Variants in ADAM15 observed in about 807,000 individuals in gnomAD.
The protein encoded by ADAM15 is disintegrin and metalloproteinase domain-containing protein 15.
A neutral mutation model predicts 113.8 loss-of-function variants in ADAM15; 77 were observed. That is an observed-to-expected ratio of 0.68 (90% CI 0.56 to 0.82). The LOEUF (loss-of-function observed/expected upper bound fraction) is 0.82. ADAM15 is among the 40% of genes least tolerant of loss of function. The probability of loss-of-function intolerance (pLI) is 0.00; values close to 1 mark genes in which losing one functional copy is unlikely to be tolerated. For missense variants in ADAM15, 963 were observed against 1,120.1 expected, an observed-to-expected ratio of 0.86 and a Z score of 2.00; for synonymous variants, 388 against 454.1, an observed-to-expected ratio of 0.85 and a Z score of 1.85.
intron 1 of ADAM15, chr1:155,052,439 C>CG: frequency 6.8e-7 from 1 of 1,476,016 alleles, no homozygotes; most frequent in Non-Finnish European, 9.1e-7. Context: ...CTGCGCAAGC[C>CG]GAAAGTCTTT....
At position 155,053,165 on chromosome 1, in the gene ADAM15, T is replaced by TGGGTCCTACACG. The variant is rs535712764; in HGVS notation, c.187-250_187-239dup. The stretch of plus-strand genomic sequence containing the variant: ...TCAGAGGAAGGGCTGGGGCTTGTGC[T>TGGGTCCTACACG]GGGTCCTACACGGTGCTTCCTCTCT... On this transcript the variant is annotated intron_variant, in intron 2 of 22. Transcript: ENST00000356955. Among the ~76,000 whole-genome samples the TGGGTCCTACACG allele has an allele frequency of 2.2e-3, 267 of 122,514 alleles. 12 individuals are homozygous for TGGGTCCTACACG. In the South Asian group the frequency reaches 0.071, roughly 32 times the overall value. The allele number at this position is 122,514 out of a possible 152,430, so 80.4% of individuals were successfully genotyped here.
rs746793025 is a variant in ADAM15, at chr1:155,060,285, T to C, written c.2149T>C (p.Tyr717His). 1 of 1,614,068 alleles carries C rather than the reference T, an allele frequency of 6.2e-7. No individual in the cohort carries two copies. Among genetic ancestry groups the C allele is most frequent in the South Asian group, 1.1e-5 (1 of 91,070 alleles). The change falls in exon 18 of 23, where the codon TAC (tyrosine) becomes CAC (histidine). Residue 717 changes from tyrosine (Y) to histidine (H), a missense_variant. Tyr to His is a moderately conservative substitution (Grantham distance 83). Transcript: ENST00000356955. Reference protein sequence around the residue: ...VLVMLGASYWYRARLHQRLCQ... With the variant: ...VLVMLGASYWHRARLHQRLCQ... ...GGTGATGCTTGGTGCCAGCTACTGG[T>C]ACCGTGCCCGCCTGCACCAGCGACT...
chr1:155,061,807 G>T (rs779073514), intron 20 of ADAM15, 97 bp from the exon 21 acceptor site: 11 of 1,315,290 alleles, frequency 8.4e-6, no homozygotes, highest in Admixed American at 2.4e-5. Flanking sequence ...CCCCCTGGCT[G>T]ACTTTGCATG....
rs778620875 is a variant in ADAM15 at position 155,054,406 on chromosome 1, A to G, written c.512A>G (p.Asp171Gly). The change falls in exon 6 of 23, where the codon GAT (aspartate) becomes GGT (glycine). Residue 171 changes from aspartate to glycine, a missense_variant. By Grantham distance (94) the Asp-to-Gly change is moderately conservative. Coordinates refer to ENST00000356955, the MANE Select transcript of ADAM15 (RefSeq NM_207197.3). ...QGPPIISRIQ[D>G]LHLPGHTCAL... is the part of the protein sequence containing the mutation. Reference sequence around the variant, plus strand: ...CCTCCCATTATTTCGCGAATCCAAGATCTCCACCTGCCAGGCCACACCTGT... The same window carrying G: ...CCTCCCATTATTTCGCGAATCCAAGGTCTCCACCTGCCAGGCCACACCTGT... The G allele has an allele frequency of 1.9e-6, 3 of 1,613,876 alleles. No individual in the cohort carries two copies. Among genetic ancestry groups the G allele is most frequent in the Non-Finnish European group, 2.5e-6 (3 of 1,179,934 alleles).
chr1:155,051,391 G>T lies in ADAM15; in HGVS notation c.5G>T (p.Arg2Leu). 6.6e-7 allele frequency: 1 copy of T among 1,523,676 alleles called. No homozygotes were observed. The highest frequency in any genetic ancestry group is 8.8e-7 in the Non-Finnish European group (1 of 1,140,448). The allele number at this position is 1,523,676 out of a possible 1,614,324, so 94.4% of individuals were successfully genotyped here. Reference protein sequence around the residue: MRLALLWALGLL... With the variant: MLLALLWALGLL... ...CCGGCCCGGAGCGCCGCTGCCATGC[G>T]GCTGGCGCTGCTCTGGGCCCTGGGG... The change falls in exon 1 of 23, where the codon CGG (arginine) becomes CTG (leucine). Residue 2 changes from arginine (R) to leucine (L), a missense_variant. Arg to Leu is a moderately radical substitution (Grantham distance 102). Coordinates refer to ENST00000356955, the MANE Select transcript of ADAM15 (RefSeq NM_207197.3).
chr1:155,051,450 C>A lies in ADAM15; in HGVS notation c.64C>A (p.Pro22Thr). 6.4e-7 allele frequency: 1 copy of A among 1,566,918 alleles called. No individual in the cohort carries two copies. Among genetic ancestry groups the A allele is most frequent in the Non-Finnish European group, 8.6e-7 (1 of 1,161,418 alleles). ...LGAGSPLPSW[P>T]LPNIGGTEEQ... ...CGCGGGCAGCCCTCTGCCTTCCTGG[C>A]CGCTCCCAAATATAGGTGAGTCCTC... The change falls in exon 1 of 23, where the codon CCG (proline) becomes ACG (threonine). Residue 22 changes from proline to threonine, a missense_variant. Coordinates refer to ENST00000356955, the MANE Select transcript of ADAM15 (RefSeq NM_207197.3).
Position 155,053,907 on chromosome 1 carries a change from C to T in ADAM15, c.264-3C>T. The T allele has an allele frequency of 1.9e-6, 3 of 1,614,014 alleles. No individual in the cohort carries two copies. The African/African-American group carries it at 4.0e-5, about 22-fold the overall frequency. On this transcript the variant is annotated splice_region_variant and splice_polypyrimidine_tract_variant and intron_variant, in intron 3 of 22. Transcript: ENST00000356955. ...CACTGCCTTCTTTTTCTTCACTCCA[C>T]AGGGAGTTGGTCCCAGGCCGCCCAA...
chr1:155,060,899 G>A, intron 19 of ADAM15, 67 bp downstream of exon 19: 1 of 1,474,274 alleles, frequency 6.8e-7, no homozygotes, highest in Middle Eastern at 1.9e-4. Context: ...GCCCTGGGGG[G>A]TGCGCATTAA....
At chr1:155,060,100 C>G in intron 17 of ADAM15, 105 bp from the exon 18 acceptor site, 2 of 1,569,036 alleles carry the variant, frequency 1.3e-6, no homozygotes, top group Non-Finnish European at 1.7e-6. Flanking sequence ...GCCCCTTGAA[C>G]CCTTCACTCT....
Position 155,062,533 on chromosome 1 carries a change from G to C in ADAM15, c.*31G>C. The C allele has an allele frequency of 1.2e-6, 2 of 1,610,466 alleles. No individual in the cohort carries two copies. The highest frequency in any genetic ancestry group is 1.7e-6 in the Non-Finnish European group (2 of 1,178,696). On this transcript the variant is annotated 3_prime_UTR_variant, in exon 23 of 23. Coordinates refer to ENST00000356955, the MANE Select transcript of ADAM15 (RefSeq NM_207197.3). This position sits in a 1 kb window ranked among gnomAD's most constrained non-coding sequence, Gnocchi z 7.0. Reference sequence around the variant, plus strand: ...CCGGAGGTTCCGCTGCCTCCAAGCCGGACTTAGGGCTTCAAGAGGCGGGCG... The same window carrying C: ...CCGGAGGTTCCGCTGCCTCCAAGCCCGACTTAGGGCTTCAAGAGGCGGGCG...
At position 155,061,425 on chromosome 1, in the gene ADAM15, C is replaced by T. The variant is rs1430822905; in HGVS notation, c.2288C>T (p.Ala763Val). 6.2e-6 allele frequency: 10 copies of T among 1,613,598 alleles called. No individual in the cohort carries two copies. The highest frequency in any genetic ancestry group is 1.7e-5 in the Admixed American group (1 of 59,944). The part of the protein sequence containing the change: ...LLARGTKQAS[A>V]LSFPAPPSRP... ...CTCCTGCCCTCTCAGCAGGCTAGTG[C>T]TCTCAGCTTCCCGGCCCCCCCTTCC... Residue 763 changes from alanine to valine, a missense_variant, in exon 20 of 23, where the codon GCT becomes GTT. Physicochemically the swap from Ala to Val is moderately conservative, Grantham distance 64. Transcript: ENST00000356955.
At position 155,062,264 on chromosome 1, in the gene ADAM15, C is replaced by T; in HGVS notation, c.2444C>T (p.Pro815Leu). 2.7e-6 allele frequency: 4 copies of T among 1,461,210 alleles called. No homozygotes were observed. The highest frequency in any genetic ancestry group is 2.7e-6 in the Non-Finnish European group (3 of 1,104,426). The allele number at this position is 1,461,210 out of a possible 1,614,324, so 90.5% of individuals were successfully genotyped here. Residue 815 changes from proline to leucine, a missense_variant, in exon 22 of 23, where the codon CCC becomes CTC. Coordinates refer to ENST00000356955, the MANE Select transcript of ADAM15 (RefSeq NM_207197.3). This position sits in a 1 kb window ranked among gnomAD's most constrained non-coding sequence, Gnocchi z 7.0. ...CCTCAGTCTCAGGGGCCAGCCAAGC[C>T]CCCACCCCCAAGGAAGCCACTGCCT... ...RSPKSQGPAK[P>L]PPPRKPLPAD...
At chr1:155,059,805 A>G in intron 16 of ADAM15, 97 bp from the exon 17 acceptor site, 1 of 1,362,596 alleles carries the variant, frequency 7.3e-7, no homozygotes, top group Non-Finnish European at 1.0e-6. Flanking sequence ...TACCCAGCAC[A>G]ACCCCCAGTT....
Position 155,058,400 on chromosome 1 carries a change from C to T in ADAM15, c.1876C>T (p.Pro626Ser). ...GGACCTGGGCAGTGATGTGGCCCAG[C>T]CCCTCCTGACTCTGCCTGGCACAGC... is the stretch of plus-strand genomic sequence containing the variant. ...HLDLGSDVAQ[P>S]LLTLPGTACG... is the part of the protein sequence containing the mutation. The change falls in exon 15 of 23, where the codon CCC becomes TCC. Residue 626 changes from proline to serine, a missense_variant. Physicochemically the swap from Pro to Ser is moderately conservative, Grantham distance 74. Transcript: ENST00000356955. The surrounding 1 kb of genome is among the most constrained non-coding windows in gnomAD (Gnocchi z 4.3). The T allele has an allele frequency of 2.5e-6, 4 of 1,613,426 alleles. No homozygotes were observed. Among genetic ancestry groups the T allele is most frequent in the Non-Finnish European group, 2.5e-6 (3 of 1,180,034 alleles).
At chr1:155,055,076 C>T (rs538504615) in intron 6 of ADAM15, among the ~76,000 whole-genome samples, 1 of 152,002 alleles carries the variant, frequency 6.6e-6, no homozygotes, top group East Asian at 1.9e-4. Context: ...AACCCAATTT[C>T]CTAATTTGTA....
rs527717784 is a variant in ADAM15, at chr1:155,062,437, T to C, written c.2550-23T>C. The C allele has an allele frequency of 7.4e-6, 12 of 1,613,206 alleles. No individual in the cohort carries two copies. The highest frequency in any genetic ancestry group is 1.0e-5 in the Non-Finnish European group (12 of 1,179,938). On this transcript the variant is annotated intron_variant, in intron 22 of 22. Transcript: ENST00000356955. This position sits in a 1 kb window ranked among gnomAD's most constrained non-coding sequence, Gnocchi z 7.0. ...GGGGGAAAGGGGCCTCTGACTCTTT[T>C]TTCTTGGCTTCCCGCAATCCAGACC...
In ADAM15 at chr1:155,058,601, C is replaced by T. The variant is rs1021439750; in HGVS notation, c.1918-109C>T. 2 of 1,554,588 alleles carry T rather than the reference C, an allele frequency of 1.3e-6. No individual in the cohort carries two copies. Among genetic ancestry groups the T allele is most frequent in the African/African-American group, 2.7e-5 (2 of 73,126 alleles). ...GCAAAGTCCTATCAACTCACTATGCCTTGGTTTCCCCATCTGTAAACGCAG... is the reference window on the plus strand; with the variant it reads ...GCAAAGTCCTATCAACTCACTATGCTTTGGTTTCCCCATCTGTAAACGCAG... On this transcript the variant is annotated intron_variant, in intron 15 of 22. Coordinates refer to ENST00000356955, the MANE Select transcript of ADAM15 (RefSeq NM_207197.3). This position sits in a 1 kb window ranked among gnomAD's most constrained non-coding sequence, Gnocchi z 4.3.
Position 155,055,775 on chromosome 1 carries a change from T to G in ADAM15, c.613-15T>G. 1 of 1,614,150 alleles carries G rather than the reference T, an allele frequency of 6.2e-7. No individual in the cohort carries two copies. ...AGCGGCAGGTTTGCCTGATAATTCT[T>G]CTTGTCCATAGTAGAGGCGGGATGT... On this transcript the variant is annotated splice_polypyrimidine_tract_variant and intron_variant, in intron 6 of 22. Coordinates refer to ENST00000356955, the MANE Select transcript of ADAM15 (RefSeq NM_207197.3).
In ADAM15 at chr1:155,062,743, C is replaced by A; in HGVS notation, c.*241C>A. The A allele has an allele frequency of 1.9e-6, 1 of 517,442 alleles. No individual in the cohort carries two copies. Among genetic ancestry groups the A allele is most frequent in the Non-Finnish European group, 3.4e-6 (1 of 293,288 alleles). 32.1% of individuals were successfully genotyped at this position (517,442 alleles called of 1,614,324 possible). A position where few individuals can be genotyped will look rare whatever the true frequency, so the allele number is the denominator to read the frequency against. ...AAGGTCCGCACAGCCTGTCTCTGCTCAGTTGCAATAAACGTGACATCTTGG... is the reference window on the plus strand; with the variant it reads ...AAGGTCCGCACAGCCTGTCTCTGCTAAGTTGCAATAAACGTGACATCTTGG... On this transcript the variant is annotated 3_prime_UTR_variant, in exon 23 of 23. Transcript: ENST00000356955. The surrounding 1 kb of genome is among the most constrained non-coding windows in gnomAD (Gnocchi z 7.0).
Sources: allele counts gnomAD v4.1 joint callset (sites outside exome capture counted in the v4.1 genomes callset), GRCh38; gene constraint gnomAD v4.1.1; non-coding constraint Gnocchi (gnomAD v3.1); transcripts MANE v1.5; gene names NCBI Gene and HGNC (gene_info 2026-07-23, HGNC 2026-07-21).